Variants in ZNF687 observed in about 807,000 individuals in gnomAD.
The protein encoded by ZNF687 is zinc finger protein 687.
In ZNF687, 13 loss-of-function variants were observed where a neutral mutation model predicts 71.8. The ratio of observed to expected loss-of-function variants is 0.18; its 90% confidence interval spans 0.12 to 0.29. The LOEUF is 0.29. ZNF687 is among the 10% of genes least tolerant of loss of function. The pLI is 1.00. For synonymous variants in ZNF687, 673 were observed against 641.6 expected (o/e 1.05, Z -0.74); for missense variants, 1,412 against 1,625.6 (o/e 0.87, Z 2.26).
chr1:151,287,059 A>G lies in ZNF687; in HGVS notation c.768A>G (p.Pro256=), dbSNP rs768168409. The G allele has an allele frequency of 5.6e-6, 9 of 1,610,872 alleles. No individual in the cohort carries two copies. Among genetic ancestry groups the G allele is most frequent in the African/African-American group, 5.3e-5 (4 of 74,794 alleles). The change falls in exon 2 of 9, where the codon CCA becomes CCG. Residue 256 remains proline (P), a synonymous_variant. Coordinates refer to ENST00000336715, the MANE Select transcript of ZNF687 (RefSeq NM_020832.3). This position sits in a 1 kb window ranked among gnomAD's most constrained non-coding sequence, Gnocchi z 5.0. ...TCCCTGCCAGTGCCTCGCCTCCCCC[A>G]GTTGCTGGGGTGCCCTTCTTCAAGC... ...TDIPASASPP[P]VAGVPFFKQS...
In ZNF687 at chr1:151,289,020, GAATA is replaced by G. The variant is rs1571101670; in HGVS notation, c.2295-71_2295-68del. The G allele has an allele frequency of 8.0e-6, 12 of 1,497,022 alleles. No individual in the cohort carries two copies. The East Asian group carries it at 2.7e-4, about 34-fold the overall frequency. The allele number at this position is 1,497,022 out of a possible 1,614,324, so 92.7% of individuals were successfully genotyped here. On this transcript the variant is annotated intron_variant, in intron 3 of 8. Transcript: ENST00000336715. ...TTCTTGTAGTCTACCCAGTCCCAGA[GAATA>G]AATGTATGGTCCCGGGGTGGGCATG... is the stretch of plus-strand genomic sequence containing the variant.
chr1:151,290,417 C>G lies in ZNF687; in HGVS notation c.3078-15C>G, dbSNP rs1194141154. 1 of 1,613,830 alleles carries G rather than the reference C, an allele frequency of 6.2e-7. No individual in the cohort carries two copies. The highest frequency in any genetic ancestry group is 8.5e-7 in the Non-Finnish European group (1 of 1,180,026). ...GGCTGTGCCGCTGCTGCCATCCTGT[C>G]CTCTCCCATTTCAGGTATTGCACAG... On this transcript the variant is annotated splice_polypyrimidine_tract_variant and intron_variant, in intron 7 of 8. Transcript: ENST00000336715.
intron 1 of ZNF687, chr1:151,283,066 G>T: frequency 2.0e-6 from 2 of 981,258 alleles, no homozygotes; most frequent in Non-Finnish European, 2.4e-6. Flanking sequence ...CTCCCAAAGG[G>T]CCTGGCCTGG....
At position 151,291,429 on chromosome 1, in the gene ZNF687, C is replaced by CCTTT; in HGVS notation, c.*223_*226dup. The CCTTT allele has an allele frequency of 1.8e-6, 1 of 549,380 alleles. No homozygotes were observed. Among genetic ancestry groups the CCTTT allele is most frequent in the Admixed American group, 3.5e-5 (1 of 28,636 alleles). 34.0% of individuals were successfully genotyped at this position (549,380 alleles called of 1,614,324 possible). A position where few individuals can be genotyped will look rare whatever the true frequency, so the allele number is the denominator to read the frequency against. On this transcript the variant is annotated 3_prime_UTR_variant, in exon 9 of 9. Coordinates refer to ENST00000336715, the MANE Select transcript of ZNF687 (RefSeq NM_020832.3). ...CTAGTAGAGTGGACCCTCCATTCCT[C>CCTTT]CTTTCTGAGCCCAACACTAATTAAT...
chr1:151,286,548 T>G lies in ZNF687; in HGVS notation c.257T>G (p.Val86Gly). ...GACATTTCTGTAGTCAGTGTCATTG[T>G]CAAGAACACTGTGTGTCCCGAGCAG... Reference protein sequence around the residue: ...PPDISVVSVIVKNTVCPEQSE... With the variant: ...PPDISVVSVIGKNTVCPEQSE... The change falls in exon 2 of 9, where the codon GTC (valine) becomes GGC (glycine). Residue 86 changes from valine to glycine, a missense_variant. Transcript: ENST00000336715. The G allele has an allele frequency of 6.2e-7, 1 of 1,614,218 alleles. No individual in the cohort carries two copies. Among genetic ancestry groups the G allele is most frequent in the South Asian group, 1.1e-5 (1 of 91,088 alleles).
At position 151,290,170 on chromosome 1, in the gene ZNF687, G is replaced by A. The variant is rs749513988; in HGVS notation, c.3013G>A (p.Ala1005Thr). The change falls in exon 7 of 9, where the codon GCC becomes ACC. Residue 1005 changes from alanine (A) to threonine (T), a missense_variant. Coordinates refer to ENST00000336715, the MANE Select transcript of ZNF687 (RefSeq NM_020832.3). ...CCTGTGTGAGCGCTCCTTCTGCTCC[G>A]CCCCCAGCCTGAGGCGCCATGTCAG... ...CRLCERSFCS[A>T]PSLRRHVRVN... is the part of the protein sequence containing the mutation. 1.7e-5 allele frequency: 28 copies of A among 1,613,842 alleles called. No individual in the cohort carries two copies. The highest frequency in any genetic ancestry group is 4.0e-5 in the African/African-American group (3 of 74,904).
In ZNF687 at chr1:151,290,266, C is replaced by T. The variant is rs779235271; in HGVS notation, c.3077+32C>T. ...CTTGCTCCCCGCTTCCTCTTCCTGC[C>T]CAGCACGTGACTCTCCCTGTATGCC... On this transcript the variant is annotated intron_variant, in intron 7 of 8. Coordinates refer to ENST00000336715, the MANE Select transcript of ZNF687 (RefSeq NM_020832.3). The T allele has an allele frequency of 1.3e-5, 21 of 1,611,112 alleles. No homozygotes were observed. The East Asian group carries it at 4.5e-4, about 34-fold the overall frequency.
At position 151,286,946 on chromosome 1, in the gene ZNF687, G is replaced by A. The variant is rs1210636251; in HGVS notation, c.655G>A (p.Gly219Arg). Residue 219 changes from glycine (G) to arginine (R), a missense_variant, in exon 2 of 9, where the codon GGG (glycine) becomes AGG (arginine). Physicochemically the swap from Gly to Arg is moderately radical, Grantham distance 125. Around this residue, in one of 8 missense-constraint regions of ZNF687, gnomAD observed 490 missense variants for 489.9 expected, o/e 1.00. Coordinates refer to ENST00000336715, the MANE Select transcript of ZNF687 (RefSeq NM_020832.3). ...GCCACCTGTTTCTTCCCCACCATTG[G>A]GGGCCTTGAAGCAGGAGAGCTGCAG... The part of the protein sequence containing the change: ...MQPPVSSPPL[G>R]ALKQESCSPH... 1 of 1,611,604 alleles carries A rather than the reference G, an allele frequency of 6.2e-7. No individual in the cohort carries two copies. Among genetic ancestry groups the A allele is most frequent in the Admixed American group, 1.7e-5 (1 of 59,850 alleles).
chr1:151,288,848 G>T lies in ZNF687; in HGVS notation c.2294+142G>T. 1.8e-6 allele frequency: 2 copies of T among 1,140,010 alleles called. 1 individual carries two copies. The highest frequency in any genetic ancestry group is 3.1e-5 in the South Asian group (2 of 64,514). 70.6% of individuals were successfully genotyped at this position (1,140,010 alleles called of 1,614,324 possible). A position where few individuals can be genotyped will look rare whatever the true frequency, so the allele number is the denominator to read the frequency against. Reference sequence around the variant, plus strand: ...GCCAGACTCAACCCTGAGATAGTACGTCCTGCCTTCCCGTCGTCCCCCATG... The same window carrying T: ...GCCAGACTCAACCCTGAGATAGTACTTCCTGCCTTCCCGTCGTCCCCCATG... On this transcript the variant is annotated intron_variant, in intron 3 of 8. Coordinates refer to ENST00000336715, the MANE Select transcript of ZNF687 (RefSeq NM_020832.3).
rs940990467 is a variant in ZNF687 at position 151,286,378 on chromosome 1, T to C, written c.87T>C (p.Ser29=). The change falls in exon 2 of 9, where the codon TCT becomes TCC. Residue 29 remains serine (S), a synonymous_variant. Coordinates refer to ENST00000336715, the MANE Select transcript of ZNF687 (RefSeq NM_020832.3). ...PDIDANEAIH[S]GPEENEGPGG... is the part of the protein sequence containing the mutation. ...TTGATGCGAATGAAGCCATCCATTC[T>C]GGGCCAGAAGAAAATGAGGGGCCTG... 3.2e-5 allele frequency: 52 copies of C among 1,611,852 alleles called. No homozygotes were observed. The highest frequency in any genetic ancestry group is 4.2e-5 in the Non-Finnish European group (49 of 1,179,456).
At position 151,282,307 on chromosome 1, in the gene ZNF687, G is replaced by C; in HGVS notation, c.-106G>C. 1.0e-6 allele frequency: 1 copy of C among 1,001,026 alleles called. No homozygotes were observed. The highest frequency in any genetic ancestry group is 3.9e-5 in the South Asian group (1 of 25,810). The allele number at this position is 1,001,026 out of a possible 1,614,324, so 62.0% of individuals were successfully genotyped here. A position where few individuals can be genotyped will look rare whatever the true frequency, so the allele number is the denominator to read the frequency against. ...CCGAACCGGAGAGAAGCAGGAAGTA[G>C]CGGCGGCCGCGGGGAGGGCGGCGGT... On this transcript the variant is annotated 5_prime_UTR_variant, in exon 1 of 9. Transcript: ENST00000336715.
chr1:151,290,193 CAG>C lies in ZNF687; in HGVS notation c.3039_3040del (p.Arg1013SerfsTer2), dbSNP rs1694155672. On this transcript the variant is annotated frameshift_variant, in exon 7 of 9. Coordinates refer to ENST00000336715, the MANE Select transcript of ZNF687 (RefSeq NM_020832.3). LOFTEE classifies it high-confidence loss of function. The part of the protein sequence containing the change: ...CSAPSLRRHV[R>X]VNHEGIKRVY... ...CCGCCCCCAGCCTGAGGCGCCATGT[CAG>C]AGTTAATCACGAGGGCATCAAGCGA... The C allele has an allele frequency of 6.2e-7, 1 of 1,613,932 alleles. No individual in the cohort carries two copies.
rs773146899 is a variant in ZNF687 at position 151,287,818 on chromosome 1, C to T, written c.1527C>T (p.Asn509=). 6.2e-7 allele frequency: 1 copy of T among 1,614,060 alleles called. No individual in the cohort carries two copies. The highest frequency in any genetic ancestry group is 1.7e-5 in the Admixed American group (1 of 60,036). ...EAFNKILNSK[N]LLPAYRPNLS... Reference sequence around the variant, plus strand: ...TCAACAAGATCCTCAACAGCAAGAACCTGCTCCCTGCCTATAGGCCAAACC... The same window carrying T: ...TCAACAAGATCCTCAACAGCAAGAATCTGCTCCCTGCCTATAGGCCAAACC... The change falls in exon 2 of 9, where the codon AAC becomes AAT. Residue 509 remains asparagine (N), a synonymous_variant. Transcript: ENST00000336715. This position sits in a 1 kb window ranked among gnomAD's most constrained non-coding sequence, Gnocchi z 5.0.
At position 151,282,387 on chromosome 1, in the gene ZNF687, G is replaced by T. The variant is rs1320684324; in HGVS notation, c.-26G>T. On this transcript the variant is annotated 5_prime_UTR_variant, in exon 1 of 9. Coordinates refer to ENST00000336715, the MANE Select transcript of ZNF687 (RefSeq NM_020832.3). ...CGCCGGGTCTCGGCCCGCACCAGGA[G>T]CGGAACAAGTAAGCGTGCCTGGGGT... 1 of 989,814 alleles carries T rather than the reference G, an allele frequency of 1.0e-6. No individual in the cohort carries two copies. The highest frequency in any genetic ancestry group is 1.2e-6 in the Non-Finnish European group (1 of 831,634). 61.3% of individuals were successfully genotyped at this position (989,814 alleles called of 1,614,324 possible). A position where few individuals can be genotyped will look rare whatever the true frequency, so the allele number is the denominator to read the frequency against.
Position 151,284,292 on chromosome 1 carries a change from G to T in ZNF687, c.-18+1897G>T, listed in dbSNP as rs1352166779. 3 of 984,040 alleles carry T rather than the reference G, an allele frequency of 3.0e-6. No individual in the cohort carries two copies. In the South Asian group the frequency reaches 1.4e-4, roughly 46 times the overall value. 61.0% of individuals were successfully genotyped at this position (984,040 alleles called of 1,614,324 possible). On this transcript the variant is annotated intron_variant, in intron 1 of 8. Coordinates refer to ENST00000336715, the MANE Select transcript of ZNF687 (RefSeq NM_020832.3). ...TATGTATCTTGGGAGTTTTAGCCTC[G>T]GGAAAGCAAGATGGGGAGGGGTGGA...
chr1:151,282,275 G>A (rs1425017319), upstream of ZNF687: 4 of 1,007,036 alleles, frequency 4.0e-6, no homozygotes, highest in South Asian at 3.7e-5. Flanking sequence ...GAGAGGGAGT[G>A]GGGAGGCCGA....
At position 151,289,395 on chromosome 1, in the gene ZNF687, C is replaced by T. The variant is rs755906035; in HGVS notation, c.2489C>T (p.Ala830Val). 2 of 1,614,184 alleles carry T rather than the reference C, an allele frequency of 1.2e-6. No homozygotes were observed. Among genetic ancestry groups the T allele is most frequent in the South Asian group, 2.2e-5 (2 of 91,092 alleles). ...CACTTCAGGCTGATCTACAAGTGCGCCATGTGCGACACAGTCTTCACTCAC... is the reference window on the plus strand; with the variant it reads ...CACTTCAGGCTGATCTACAAGTGCGTCATGTGCGACACAGTCTTCACTCAC... ...TQQAKLIYKCAMCDTVFTHKP... is the reference protein window; with the variant it reads ...TQQAKLIYKCVMCDTVFTHKP... The change falls in exon 5 of 9, where the codon GCC (alanine) becomes GTC (valine). Residue 830 changes from alanine (A) to valine (V), a missense_variant. Physicochemically the swap from Ala to Val is moderately conservative, Grantham distance 64 (BLOSUM62 0). Around this residue, in one of 8 missense-constraint regions of ZNF687, gnomAD observed 106 missense variants for 146.0 expected, o/e 0.73. Coordinates refer to ENST00000336715, the MANE Select transcript of ZNF687 (RefSeq NM_020832.3).
Position 151,289,456 on chromosome 1 carries a change from G to C in ZNF687, c.2550G>C (p.Leu850Phe). 1.2e-6 allele frequency: 2 copies of C among 1,614,166 alleles called. No homozygotes were observed. Among genetic ancestry groups the C allele is most frequent in the Non-Finnish European group, 1.7e-6 (2 of 1,180,048 alleles). ...TCTCCTCACACTTCGACCAGCACTT[G>C]CTGCCCCAGCGTGTCAGTGTCTTTA... is the stretch of plus-strand genomic sequence containing the variant. The part of the protein sequence containing the change: ...PLLSSHFDQH[L>F]LPQRVSVFKC... The change falls in exon 5 of 9, where the codon TTG becomes TTC. Residue 850 changes from leucine to phenylalanine, a missense_variant. Physicochemically the swap from Leu to Phe is conservative, Grantham distance 22 (BLOSUM62 0). Coordinates refer to ENST00000336715, the MANE Select transcript of ZNF687 (RefSeq NM_020832.3).
At chr1:151,290,362 C>A (rs1390492771) in intron 7 of ZNF687, 70 bp from the exon 8 acceptor site, 1 of 1,612,864 alleles carries the variant, frequency 6.2e-7, no homozygotes. Flanking sequence ...CTGGCAGCCC[C>A]CTCCTCAGAA....
Sources: allele counts gnomAD v4.1 joint callset, GRCh38; gene constraint gnomAD v4.1.1; regional missense constraint gnomAD v4.1.1; non-coding constraint Gnocchi (gnomAD v3.1); transcripts MANE v1.5; gene names NCBI Gene and HGNC (gene_info 2026-07-23, HGNC 2026-07-21).